ZNF81: variants seen among roughly 807,000 people sequenced by gnomAD.
The protein encoded by ZNF81 is zinc finger protein 81 (HFZ20).
Under a neutral mutation model 32.3 loss-of-function variants are expected in ZNF81, and 5 were observed. The observed-to-expected ratio is 0.15, with a 90% CI of 0.08 to 0.33. The LOEUF (loss-of-function observed/expected upper bound fraction) is 0.33. ZNF81 is among the 10% of genes least tolerant of loss of function. ZNF81 has a pLI of 1.00. For synonymous variants in ZNF81, 163 were observed against 166.8 expected (o/e 0.98, Z 0.17); for missense variants, 379 against 479.8 (o/e 0.79, Z 1.96).
At position 47,890,351 on chromosome X, in the gene ZNF81, G is replaced by A. The variant is rs142792560; in HGVS notation, c.181+2226G>A. On this transcript the variant is annotated intron_variant, in intron 3 of 4. Transcript: ENST00000338637. ...CCATGTTCACTTGCTGTTACTGAGGGAATCCTTGTTAAGTTTCTTCTCCAC... is the reference window on the plus strand; with the variant it reads ...CCATGTTCACTTGCTGTTACTGAGGAAATCCTTGTTAAGTTTCTTCTCCAC... Among the ~76,000 whole-genome samples, 867 of 112,104 alleles carry A rather than the reference G, an allele frequency of 7.7e-3. 7 individuals carry two copies. The highest frequency in any genetic ancestry group is 0.027 in the African/African-American group (838 of 30,809).
intron 2 of ZNF81, among the ~76,000 whole-genome samples, chrX:47,874,597 A>G (rs1019623028): frequency 6.2e-5 from 7 of 112,155 alleles, no homozygotes; most frequent in African/African-American, 2.3e-4. Flanking sequence ...CCCCTTGTGT[A>G]GGTCTGGGGT....
At chrX:47,891,779 G>A (rs2058663267) in intron 3 of ZNF81, among the ~76,000 whole-genome samples, 1 of 112,222 alleles carries the variant, frequency 8.9e-6, no homozygotes, top group African/African-American at 3.2e-5. Flanking sequence ...GCAGTTCAGA[G>A]CCAGTGTCCA....
intron 2 of ZNF81, among the ~76,000 whole-genome samples, chrX:47,868,734 T>A (rs1603184730): frequency 9.0e-6 from 1 of 110,785 alleles, no homozygotes. Flanking sequence ...CCCAGGACTG[T>A]ATTCTAATAA....
chrX:47,860,326 C>A (rs187833288), intron 2 of ZNF81, among the ~76,000 whole-genome samples: 19 of 109,176 alleles, frequency 1.7e-4, no homozygotes, highest in African/African-American at 6.4e-4. Flanking sequence ...CAGGCGCCCA[C>A]CACCATGCCC....
chrX:47,914,791 G>A, intron 4 of ZNF81, 133 bp from the exon 5 acceptor site: 6 of 595,456 alleles, frequency 1.0e-5, no homozygotes, highest in South Asian at 6.2e-5. Context: ...TGCTATATAT[G>A]TATTTCCTGT....
Position 47,918,954 on chromosome X carries a change from TG to T in ZNF81, c.*2325del, listed in dbSNP as rs1400182705. 1 of 251,349 alleles carries T rather than the reference TG, an allele frequency of 4.0e-6. No individual in the cohort carries two copies. Among genetic ancestry groups the T allele is most frequent in the Non-Finnish European group, 7.5e-6 (1 of 133,897 alleles). 20.7% of individuals were successfully genotyped at this position (251,349 alleles called of 1,213,427 possible). Reference sequence around the variant, plus strand: ...GTACCTATCCCACCATTGTATATATTGGGTGTATGTTGGGGGGCATGTAACT... The same window carrying T: ...GTACCTATCCCACCATTGTATATATTGGTGTATGTTGGGGGGCATGTAACT... On this transcript the variant is annotated 3_prime_UTR_variant, in exon 5 of 5. Coordinates refer to ENST00000338637, the MANE Select transcript of ZNF81 (RefSeq NM_007137.5).
Position 47,846,112 on chromosome X carries a change from G to C in ZNF81, c.-156G>C. On this transcript the variant is annotated 5_prime_UTR_variant, in exon 2 of 5. Transcript: ENST00000338637. ...TGGACACTGTCTTTCCAGAGTTCTT[G>C]GAGTCTCTGCGGAGTCCCTGGGCCA... 3.4e-6 allele frequency: 2 copies of C among 593,446 alleles called. No homozygotes were observed. The highest frequency in any genetic ancestry group is 2.8e-6 in the Non-Finnish European group (1 of 358,714). The allele number at this position is 593,446 out of a possible 1,213,427, so 48.9% of individuals were successfully genotyped here.
intron 4 of ZNF81, among the ~76,000 whole-genome samples, chrX:47,897,491 T>C (rs2058683751): frequency 8.9e-6 from 1 of 112,118 alleles, no homozygotes; most frequent in Admixed American, 9.5e-5. Context: ...AATATTTTGT[T>C]CCAATCTGTG....
intron 2 of ZNF81, among the ~76,000 whole-genome samples, chrX:47,885,402 C>A (rs926361950): frequency 1.8e-5 from 2 of 112,183 alleles, no homozygotes; most frequent in Non-Finnish European, 3.8e-5. Context: ...GCCCTTCTCT[C>A]CTTCTGGGTC....
intron 3 of ZNF81, among the ~76,000 whole-genome samples, chrX:47,888,409 A>C (rs1423068968): frequency 9.0e-6 from 1 of 110,944 alleles, no homozygotes; most frequent in Non-Finnish European, 1.9e-5. Context: ...AGACAATATG[A>C]AGATACACAG....
chrX:47,865,449 C>T (rs1443282074), intron 2 of ZNF81, among the ~76,000 whole-genome samples: 1 of 111,983 alleles, frequency 8.9e-6, no homozygotes, highest in Non-Finnish European at 1.9e-5. Flanking sequence ...CCAAAGGGCT[C>T]TTCTGGGTGG....
At chrX:47,871,797 C>A (rs1556883947) in intron 2 of ZNF81, among the ~76,000 whole-genome samples, 1 of 112,119 alleles carries the variant, frequency 8.9e-6, no homozygotes, top group African/African-American at 3.2e-5. Flanking sequence ...TGAGCCTTTT[C>A]ACTAAGTGTG....
intron 4 of ZNF81, among the ~76,000 whole-genome samples, chrX:47,902,884 C>T (rs371624210): frequency 1.8e-5 from 2 of 111,481 alleles, no homozygotes; most frequent in Admixed American, 9.5e-5. Flanking sequence ...TGAACCCCAT[C>T]TCTACTAAAA....
At chrX:47,854,899 G>T (rs2058510118) in intron 2 of ZNF81, among the ~76,000 whole-genome samples, 2 of 111,054 alleles carry the variant, frequency 1.8e-5, no homozygotes, top group African/African-American at 3.3e-5. Flanking sequence ...TTCGAGACCA[G>T]CCTGGCCAAG....
intron 2 of ZNF81, among the ~76,000 whole-genome samples, chrX:47,861,419 G>A (rs782574257): frequency 4.5e-5 from 5 of 111,872 alleles, no homozygotes; most frequent in African/African-American, 1.6e-4. Flanking sequence ...TGAGAGCCCC[G>A]TAGAGAACTG....
At chrX:47,856,117 C>T (rs782055158) in intron 2 of ZNF81, among the ~76,000 whole-genome samples, 1 of 105,799 alleles carries the variant, frequency 9.5e-6, no homozygotes, top group East Asian at 2.9e-4. Flanking sequence ...CTTTGCATTT[C>T]CCGTTAATGT....
At position 47,915,288 on chromosome X, in the gene ZNF81, A is replaced by G. The variant is rs782090646; in HGVS notation, c.642A>G (p.Ala214=). 9.1e-6 allele frequency: 11 copies of G among 1,211,840 alleles called. No homozygotes were observed. The highest frequency in any genetic ancestry group is 1.1e-5 in the Non-Finnish European group (10 of 895,519). Residue 214 remains alanine, a synonymous_variant, in exon 5 of 5, where the codon GCA becomes GCG. Transcript: ENST00000338637. ...DLHIHNKSNA[A]KNLDKTIGHG... The stretch of plus-strand genomic sequence containing the variant: ...ATATTCATAATAAAAGCAATGCAGC[A>G]AAGAACCTGGATAAAACTATTGGGC...
chrX:47,914,915 T>C lies in ZNF81; in HGVS notation c.278-9T>C. 1.7e-6 allele frequency: 2 copies of C among 1,206,738 alleles called. No homozygotes were observed. The highest frequency in any genetic ancestry group is 2.2e-6 in the Non-Finnish European group (2 of 892,779). On this transcript the variant is annotated splice_polypyrimidine_tract_variant and intron_variant, in intron 4 of 4. Coordinates refer to ENST00000338637, the MANE Select transcript of ZNF81 (RefSeq NM_007137.5). ...TTGTGTCAATTTTACTTTTTCTTTCTCTTTTTAGATGGGAAATTTGGAATT... is the reference window on the plus strand; with the variant it reads ...TTGTGTCAATTTTACTTTTTCTTTCCCTTTTTAGATGGGAAATTTGGAATT...
rs145343681 is a variant in ZNF81 at position 47,897,967 on chromosome X, G to A, written c.277+2027G>A. On this transcript the variant is annotated intron_variant, in intron 4 of 4. Coordinates refer to ENST00000338637, the MANE Select transcript of ZNF81 (RefSeq NM_007137.5). ...CAGTTTGTTATAATTCCCAAGAGGC[G>A]GGGGTATACCACACCATACAGGGCC... Among the ~76,000 whole-genome samples, 9 of 111,786 alleles carry A rather than the reference G, an allele frequency of 8.1e-5. No homozygotes were observed. The East Asian group carries it at 2.5e-3, about 32-fold the overall frequency.
Sources: allele counts gnomAD v4.1 joint callset (sites outside exome capture counted in the v4.1 genomes callset), GRCh38; gene constraint gnomAD v4.1.1; transcripts MANE v1.5; gene names NCBI Gene and HGNC (gene_info 2026-07-23, HGNC 2026-07-21).